The following CPA6 variants were observed in gnomAD, a reference collection of about 807,000 sequenced individuals.
The protein encoded by CPA6 is carboxypeptidase B.
A neutral mutation model predicts 63.3 loss-of-function variants in CPA6; 58 were observed. The observed-to-expected ratio is 0.92, with a 90% confidence interval of 0.74 to 1.14. The LOEUF is 1.14. Among genes scored for constraint, CPA6 ranks in the 50% most tolerant of loss-of-function variants. The pLI is 0.00. For missense variants in CPA6, 565 were observed against 526.6 expected (o/e 1.07, Z -0.71); for synonymous variants, 185 against 179.0 (o/e 1.03, Z -0.27).
At chr8:67,496,533 A>G (rs1156541402) in intron 6 of CPA6, among the ~76,000 whole-genome samples, 14 of 135,164 alleles carry the variant, frequency 1.0e-4, no homozygotes, top group African/African-American at 3.9e-4. Context: ...ATATATATAT[A>G]TATATATATA....
chr8:67,491,396 T>C (rs372975448), intron 6 of CPA6, among the ~76,000 whole-genome samples: 8 of 152,186 alleles, frequency 5.3e-5, no homozygotes, highest in African/African-American at 1.7e-4. Flanking sequence ...CCTCATCTTG[T>C]ATATTCTAGT....
At chr8:67,451,207 G>T (rs1258612812) in intron 8 of CPA6, among the ~76,000 whole-genome samples, 1 of 152,170 alleles carries the variant, frequency 6.6e-6, no homozygotes, top group Non-Finnish European at 1.5e-5. Context: ...GGGCCACACA[G>T]CAGAAGGTGA....
intron 3 of CPA6, among the ~76,000 whole-genome samples, chr8:67,517,149 C>G (rs1412110360): frequency 6.6e-6 from 1 of 152,016 alleles, no homozygotes; most frequent in Non-Finnish European, 1.5e-5. Flanking sequence ...AACCAACCCT[C>G]AAAATATCTA....
intron 1 of CPA6, among the ~76,000 whole-genome samples, chr8:67,712,577 T>A (rs1342976148): frequency 6.6e-6 from 1 of 152,130 alleles, no homozygotes; most frequent in Non-Finnish European, 1.5e-5. Flanking sequence ...TCATAAGGGA[T>A]ATGAGAATTC....
At chr8:67,535,377 T>C (rs892524198) in intron 2 of CPA6, among the ~76,000 whole-genome samples, 1 of 152,196 alleles carries the variant, frequency 6.6e-6, no homozygotes, top group Non-Finnish European at 1.5e-5. Flanking sequence ...TGTTGTTTCT[T>C]GACTTTTCAA....
intron 8 of CPA6, among the ~76,000 whole-genome samples, chr8:67,475,840 T>TTTCC (rs1811189348): frequency 1.2e-5 from 1 of 84,232 alleles, no homozygotes; most frequent in African/African-American, 5.8e-5. Context: ...TCTTTCTTTC[T>TTTCC]TTCTTTCTTT....
At chr8:67,710,166 C>T (rs1817224936) in intron 1 of CPA6, among the ~76,000 whole-genome samples, 1 of 151,780 alleles carries the variant, frequency 6.6e-6, no homozygotes, top group Non-Finnish European at 1.5e-5. Context: ...TAAGCTTTGT[C>T]TAAAAACTTG....
chr8:67,738,752 T>C (rs1431751989), intron 1 of CPA6, among the ~76,000 whole-genome samples: 1 of 51,680 alleles, frequency 1.9e-5, no homozygotes, highest in Non-Finnish European at 4.5e-5. Flanking sequence ...CCTAAAGCTT[T>C]GTATTACGCA....
At chr8:67,684,774 G>T (rs767921571) in intron 1 of CPA6, among the ~76,000 whole-genome samples, 7 of 152,092 alleles carry the variant, frequency 4.6e-5, no homozygotes, top group Non-Finnish European at 5.9e-5. Context: ...CGTTAGCAAA[G>T]AACCTGCCAT....
intron 2 of CPA6, among the ~76,000 whole-genome samples, chr8:67,528,237 G>A (rs1248395771): frequency 6.6e-6 from 1 of 152,224 alleles, no homozygotes; most frequent in Non-Finnish European, 1.5e-5. Context: ...ACCTTCCCAG[G>A]AGAGGGGTTG....
At chr8:67,655,592 G>A (rs1385977262) in intron 1 of CPA6, among the ~76,000 whole-genome samples, 1 of 152,100 alleles carries the variant, frequency 6.6e-6, no homozygotes, top group Non-Finnish European at 1.5e-5. Context: ...GCATTAATCA[G>A]TATCTGTGGA....
At chr8:67,611,918 C>G (rs964836521) in intron 2 of CPA6, among the ~76,000 whole-genome samples, 2 of 152,222 alleles carry the variant, frequency 1.3e-5, no homozygotes, top group African/African-American at 4.8e-5. Context: ...AGTTCTTATT[C>G]CCTTCCTTGG....
chr8:67,592,137 G>A (rs981275814), intron 2 of CPA6, among the ~76,000 whole-genome samples: 1 of 152,158 alleles, frequency 6.6e-6, no homozygotes, highest in Non-Finnish European at 1.5e-5. Context: ...TGCATCTATT[G>A]AGATAATCAC....
chr8:67,629,630 G>A (rs1815274330), intron 1 of CPA6, among the ~76,000 whole-genome samples: 1 of 152,166 alleles, frequency 6.6e-6, no homozygotes, highest in Admixed American at 6.5e-5. Context: ...AGCGGTTGTT[G>A]CAGTGGTGGG....
At chr8:67,495,926 C>CATT (rs1332387490) in intron 6 of CPA6, among the ~76,000 whole-genome samples, 1 of 152,184 alleles carries the variant, frequency 6.6e-6, no homozygotes, top group Non-Finnish European at 1.5e-5. Flanking sequence ...TTTCAAGCAG[C>CATT]ATTATATGGC....
intron 2 of CPA6, among the ~76,000 whole-genome samples, chr8:67,556,637 T>G (rs898141854): frequency 6.6e-6 from 1 of 152,150 alleles, no homozygotes; most frequent in South Asian, 2.1e-4. Context: ...CACTGACACA[T>G]ACGAAAGCAC....
intron 2 of CPA6, among the ~76,000 whole-genome samples, chr8:67,616,749 A>G (rs1587638936): frequency 6.6e-6 from 1 of 152,156 alleles, no homozygotes; most frequent in East Asian, 1.9e-4. Context: ...GGTTCAAGGA[A>G]TTTTGTAAGT....
chr8:67,682,000 GA>G (rs901054440), intron 1 of CPA6, among the ~76,000 whole-genome samples: 12 of 152,110 alleles, frequency 7.9e-5, no homozygotes, highest in South Asian at 6.2e-4. Flanking sequence ...AATTCAGGGG[GA>G]AAAAACCTGT....
intron 8 of CPA6, among the ~76,000 whole-genome samples, chr8:67,445,898 G>A (rs1384582970): frequency 6.6e-6 from 1 of 151,996 alleles, no homozygotes; most frequent in Admixed American, 6.6e-5. Flanking sequence ...ATATTTAATG[G>A]AAAAAAGAAC....
Sources: gnomAD v4.1 joint callset for allele counts (sites outside exome capture counted in the v4.1 genomes callset) on GRCh38, gnomAD v4.1.1 for gene constraint, MANE v1.5 for transcripts, NCBI Gene and HGNC (gene_info 2026-07-23, HGNC 2026-07-21) for gene names.